The following SLC30A7 variants were observed in gnomAD, a reference collection of about 807,000 sequenced individuals.
SLC30A7 encodes zinc transporter 7.
In SLC30A7, 35 loss-of-function variants were observed where a neutral mutation model predicts 46.0. The ratio of observed to expected loss-of-function variants is 0.76; its 90% CI spans 0.58 to 1.01. The LOEUF (loss-of-function observed/expected upper bound fraction) is 1.01. Ranked by LOEUF, SLC30A7 falls within the 50% of genes least tolerant of loss-of-function variation. The pLI, the probability that SLC30A7 is intolerant of heterozygous loss-of-function variation, is 0.00. For missense variants in SLC30A7, 464 were observed against 451.1 expected (o/e 1.03, Z -0.26); for synonymous variants, 147 against 157.8 (o/e 0.93, Z 0.51).
chr1:100,913,013 A>G (rs1377285785), intron 5 of SLC30A7, among the ~76,000 whole-genome samples: 1 of 152,034 alleles, frequency 6.6e-6, no homozygotes, highest in Non-Finnish European at 1.5e-5. Flanking sequence ...TAAAAGTGAT[A>G]TTTTTGACTT....
intron 3 of SLC30A7, among the ~76,000 whole-genome samples, chr1:100,909,623 G>A (rs1651949379): frequency 6.6e-6 from 1 of 152,068 alleles, no homozygotes; most frequent in Admixed American, 6.6e-5. Context: ...TAGTTTTCAT[G>A]TGTTTTTGTT....
chr1:100,904,086 ATACTC>A (rs888386917), intron 2 of SLC30A7, among the ~76,000 whole-genome samples: 22 of 152,292 alleles, frequency 1.4e-4, no homozygotes, highest in East Asian at 7.7e-4. Context: ...CTTTTATACT[ATACTC>A]TATTGAAGTG....
In SLC30A7 at chr1:100,977,162, T is replaced by C. The variant is rs570345634; in HGVS notation, c.*2305T>C. On this transcript the variant is annotated 3_prime_UTR_variant, in exon 11 of 11. Coordinates refer to ENST00000357650, the MANE Select transcript of SLC30A7 (RefSeq NM_133496.5). ...AACTGATTATGTATAAATACTGATA[T>C]TTCACATACGGAGATATTTGAAGAC... 2.0e-5 allele frequency: 3 copies of C among 152,236 alleles called. No homozygotes were observed. The South Asian group carries it at 6.2e-4, about 32-fold the overall frequency. 9.4% of individuals were successfully genotyped at this position (152,236 alleles called of 1,614,324 possible). A position where few individuals can be genotyped will look rare whatever the true frequency, so the allele number is the denominator to read the frequency against.
At chr1:100,942,992 T>C (rs1175695708) in intron 8 of SLC30A7, among the ~76,000 whole-genome samples, 1 of 152,240 alleles carries the variant, frequency 6.6e-6, no homozygotes, top group Non-Finnish European at 1.5e-5. Context: ...TGAGGTCCTA[T>C]AATCACATTC....
rs1654383242 is a variant in SLC30A7, at chr1:100,942,104, T to C, written c.843-19724T>C. The C allele has an allele frequency of 4.4e-5, 8 of 183,830 alleles. No homozygotes were observed. In the South Asian group the frequency reaches 8.7e-4, roughly 20 times the overall value. 11.4% of individuals were successfully genotyped at this position (183,830 alleles called of 1,614,324 possible). ...TTTAGCTCAACGTATAAGGAAGAAATAGAAATTAAAACTGCATTGAGACAC... is the reference window on the plus strand; with the variant it reads ...TTTAGCTCAACGTATAAGGAAGAAACAGAAATTAAAACTGCATTGAGACAC... On this transcript the variant is annotated intron_variant, in intron 8 of 10. Coordinates refer to ENST00000357650, the MANE Select transcript of SLC30A7 (RefSeq NM_133496.5).
chr1:100,994,554 T>C, the SLC30A7 span, among the ~76,000 whole-genome samples: 8 of 151,708 alleles, frequency 5.3e-5, no homozygotes, highest in Non-Finnish European at 1.2e-4. Flanking sequence ...TTTTTTTTTT[T>C]CTCACTCTGT....
At chr1:100,929,095 T>A (rs1029188877) in intron 8 of SLC30A7, among the ~76,000 whole-genome samples, 6 of 148,914 alleles carry the variant, frequency 4.0e-5, no homozygotes, top group Non-Finnish European at 7.5e-5. Flanking sequence ...ATATAGAGAG[T>A]GTGTGTGTGT....
chr1:100,896,521 C>T, intron 1 of SLC30A7, 49 bp from the exon 2 acceptor site: 1 of 1,554,526 alleles, frequency 6.4e-7, no homozygotes, highest in Non-Finnish European at 8.9e-7. Context: ...CTCGGGGTCC[C>T]GGCACCTCCT....
intron 2 of SLC30A7, among the ~76,000 whole-genome samples, chr1:100,901,073 C>A (rs1399865689): frequency 6.6e-6 from 1 of 152,148 alleles, no homozygotes. Context: ...TCTTCCATAA[C>A]TATTTCATTA....
the SLC30A7 span, among the ~76,000 whole-genome samples, chr1:100,988,508 T>C: frequency 6.6e-6 from 1 of 152,236 alleles, no homozygotes; most frequent in Non-Finnish European, 1.5e-5. Flanking sequence ...AATATACAAC[T>C]GGTATTTAAA....
chr1:100,921,039 A>C (rs755361050), intron 7 of SLC30A7, among the ~76,000 whole-genome samples: 5 of 152,076 alleles, frequency 3.3e-5, no homozygotes, highest in Non-Finnish European at 5.9e-5. Flanking sequence ...ATTATGTCTA[A>C]GTTTTTAGAA....
chr1:100,981,682 A>AACTT lies in SLC30A7; in HGVS notation c.*6826_*6829dup, dbSNP rs1656940883. 6.6e-6 allele frequency: 1 copy of AACTT among 152,182 alleles called. No homozygotes were observed. Among genetic ancestry groups the AACTT allele is most frequent in the Admixed American group, 6.5e-5 (1 of 15,268 alleles). 9.4% of individuals were successfully genotyped at this position (152,182 alleles called of 1,614,324 possible). On this transcript the variant is annotated 3_prime_UTR_variant, in exon 11 of 11. Transcript: ENST00000357650. ...ACACATTCATGTATATATTTTGTTA[A>AACTT]ACTTCATATGTATTTAAAAAGAATC...
intron 8 of SLC30A7, chr1:100,941,975 T>G (rs138708814): frequency 4.0e-6 from 1 of 253,028 alleles, no homozygotes; most frequent in African/African-American, 2.3e-5. Context: ...TCGGGCTCTT[T>G]AGAAAACTGA....
At position 100,912,166 on chromosome 1, in the gene SLC30A7, C is replaced by G. The variant is rs796494040; in HGVS notation, c.439C>G (p.Leu147Val). 3 of 1,613,866 alleles carry G rather than the reference C, an allele frequency of 1.9e-6. No individual in the cohort carries two copies. Among genetic ancestry groups the G allele is most frequent in the African/African-American group, 2.7e-5 (2 of 75,014 alleles). ...HHERLLLVSILGFVVNLIGIF... is the reference protein window; with the variant it reads ...HHERLLLVSIVGFVVNLIGIF... The stretch of plus-strand genomic sequence containing the variant: ...TGAGAGACTGCTTCTTGTTTCCATT[C>G]TTGGGTTTGTGGTAAACCTAATAGG... Residue 147 changes from leucine to valine, a missense_variant, in exon 5 of 11, where the codon CTT becomes GTT. Coordinates refer to ENST00000357650, the MANE Select transcript of SLC30A7 (RefSeq NM_133496.5).
intron 8 of SLC30A7, among the ~76,000 whole-genome samples, chr1:100,940,182 A>G (rs912791403): frequency 2.6e-5 from 4 of 152,284 alleles, no homozygotes; most frequent in Admixed American, 2.0e-4. Context: ...TGGAAAAAAG[A>G]TGGCTTCCCT....
At chr1:100,923,004 A>ATGT (rs1490940276) in intron 8 of SLC30A7, among the ~76,000 whole-genome samples, 11 of 49,110 alleles carry the variant, frequency 2.2e-4, no homozygotes, top group African/African-American at 9.2e-4. Context: ...GTTAGAATAG[A>ATGT]TTTTTTTTTT....
intron 10 of SLC30A7, among the ~76,000 whole-genome samples, chr1:100,967,851 A>G (rs61780323): frequency 0.11 from 16,031 of 152,240 alleles, 1,067 homozygotes; most frequent in Non-Finnish European, 0.15. Flanking sequence ...ACCACAAAGG[A>G]AAGTATTGGA....
intron 6 of SLC30A7, among the ~76,000 whole-genome samples, chr1:100,916,353 CT>C (rs1217957871): frequency 1.3e-5 from 2 of 151,638 alleles, no homozygotes; most frequent in Non-Finnish European, 2.9e-5. Flanking sequence ...ACCCAGCTAA[CT>C]TTTTGTATTT....
rs1656155451 is a variant in SLC30A7, at chr1:100,971,431, G to A, written c.1084-3379G>A. 2.0e-5 allele frequency among the ~76,000 whole-genome samples: 3 copies of A among 151,994 alleles called. No individual in the cohort carries two copies. The East Asian group carries it at 5.8e-4, about 29-fold the overall frequency. ...TCTTTCTTCATCATTTGTATTTGAA[G>A]TCCGCCAGAATCTGACCTCCTTTGG... On this transcript the variant is annotated intron_variant, in intron 10 of 10. Transcript: ENST00000357650.
Sources: gnomAD v4.1 joint callset for allele counts (sites outside exome capture counted in the v4.1 genomes callset) on GRCh38, gnomAD v4.1.1 for gene constraint, MANE v1.5 for transcripts, NCBI Gene and HGNC (gene_info 2026-07-23, HGNC 2026-07-21) for gene names.